The following FHIT variants were observed in gnomAD, a reference collection of about 807,000 sequenced individuals.
The protein encoded by FHIT is bis(5'-adenosyl)-triphosphatase.
In FHIT, 19 loss-of-function variants were observed where a neutral mutation model predicts 17.9. The ratio of observed to expected loss-of-function variants is 1.06; its 90% confidence interval spans 0.74 to 1.56. The LOEUF is 1.56. FHIT is among the 40% of genes most tolerant of loss of function. The pLI, the probability that FHIT is intolerant of heterozygous loss-of-function variation, is 0.00. For missense variants in FHIT, 248 were observed against 189.2 expected (o/e 1.31, Z -1.82); for synonymous variants, 81 against 69.7 (o/e 1.16, Z -0.81).
At chr3:59,971,203 G>C (rs575675334) in intron 7 of FHIT, among the ~76,000 whole-genome samples, 25 of 152,236 alleles carry the variant, frequency 1.6e-4, no homozygotes, top group African/African-American at 6.0e-4. Flanking sequence ...GACACTCTGA[G>C]TCCTATTTGA....
chr3:60,535,492 T>C (rs1388996467), intron 5 of FHIT, among the ~76,000 whole-genome samples: 1 of 152,180 alleles, frequency 6.6e-6, no homozygotes, highest in East Asian at 1.9e-4. Context: ...AATAAAATGT[T>C]ACTTCAAGAA....
At chr3:61,124,585 G>A (rs1446998849) in intron 2 of FHIT, among the ~76,000 whole-genome samples, 1 of 152,114 alleles carries the variant, frequency 6.6e-6, no homozygotes, top group Non-Finnish European at 1.5e-5. Context: ...TTAAAAATAA[G>A]TACAAGCTAG....
intron 3 of FHIT, among the ~76,000 whole-genome samples, chr3:60,847,769 G>A (rs1702981830): frequency 6.6e-6 from 1 of 152,046 alleles, no homozygotes. Context: ...ACCACAGGAA[G>A]AAGGAAAGTC....
chr3:60,943,313 GA>G (rs376791168), intron 3 of FHIT, among the ~76,000 whole-genome samples: 12 of 152,006 alleles, frequency 7.9e-5, no homozygotes, highest in African/African-American at 2.7e-4. Flanking sequence ...GTAGGCTCAG[GA>G]TTAACTCTTC....
chr3:60,668,279 G>T (rs1416958278), intron 4 of FHIT, among the ~76,000 whole-genome samples: 1 of 149,406 alleles, frequency 6.7e-6, no homozygotes, highest in African/African-American at 2.5e-5. Flanking sequence ...CCTTCCTCTG[G>T]CCAATTATTT....
At chr3:60,478,006 T>G (rs2033431000) in intron 5 of FHIT, among the ~76,000 whole-genome samples, 1 of 152,054 alleles carries the variant, frequency 6.6e-6, no homozygotes, top group Non-Finnish European at 1.5e-5. Context: ...AATAGGAAAT[T>G]GGTCTTCACA....
chr3:61,082,853 CT>C (rs1184026744), intron 2 of FHIT, among the ~76,000 whole-genome samples: 2 of 152,212 alleles, frequency 1.3e-5, no homozygotes, highest in African/African-American at 4.8e-5. Flanking sequence ...ATTCATTGCC[CT>C]TTTTTCCAAT....
At chr3:61,121,877 T>C (rs1463648281) in intron 2 of FHIT, among the ~76,000 whole-genome samples, 1 of 151,806 alleles carries the variant, frequency 6.6e-6, no homozygotes, top group Non-Finnish European at 1.5e-5. Context: ...AATAAACGTA[T>C]GGAGGAATAT....
chr3:60,535,315 A>C (rs1396885155), intron 5 of FHIT, among the ~76,000 whole-genome samples: 1 of 152,184 alleles, frequency 6.6e-6, no homozygotes, highest in African/African-American at 2.4e-5. Flanking sequence ...GATCTTGTCT[A>C]AATTCATATT....
At chr3:60,717,646 T>A (rs1175108401) in intron 4 of FHIT, among the ~76,000 whole-genome samples, 1 of 152,196 alleles carries the variant, frequency 6.6e-6, no homozygotes, top group Non-Finnish European at 1.5e-5. Context: ...CATATGTGAA[T>A]CTTGGTTATA....
intron 4 of FHIT, among the ~76,000 whole-genome samples, chr3:60,667,233 A>G (rs1421011329): frequency 1.3e-5 from 2 of 151,404 alleles, no homozygotes; most frequent in African/African-American, 4.9e-5. Context: ...CTCCAATGAC[A>G]TGAATGTTGG....
At chr3:60,174,419 T>G (rs1701573737) in intron 5 of FHIT, among the ~76,000 whole-genome samples, 1 of 152,172 alleles carries the variant, frequency 6.6e-6, no homozygotes. Context: ...AGATTTTGAT[T>G]GTTTTGTTTT....
At chr3:61,036,421 C>T (rs757244213) in intron 3 of FHIT, among the ~76,000 whole-genome samples, 1 of 151,994 alleles carries the variant, frequency 6.6e-6, no homozygotes, top group East Asian at 1.9e-4. Flanking sequence ...TATCACTAAC[C>T]GAGTGTTCAG....
intron 5 of FHIT, among the ~76,000 whole-genome samples, chr3:60,207,575 A>T (rs894211611): frequency 9.2e-5 from 14 of 152,126 alleles, no homozygotes; most frequent in Admixed American, 3.9e-4. Context: ...ACCACCCCAC[A>T]GTCCCCCCGC....
intron 8 of FHIT, among the ~76,000 whole-genome samples, chr3:59,788,414 C>G (rs1699403841): frequency 6.6e-6 from 1 of 152,164 alleles, no homozygotes; most frequent in Non-Finnish European, 1.5e-5. Flanking sequence ...GGGCTCCAGC[C>G]CCAAGGCCTT....
intron 5 of FHIT, among the ~76,000 whole-genome samples, chr3:60,263,933 G>A (rs1286029101): frequency 6.6e-6 from 1 of 151,004 alleles, no homozygotes; most frequent in Non-Finnish European, 1.5e-5. Flanking sequence ...TTTTTTAAAT[G>A]AAAAGATTTT....
intron 5 of FHIT, among the ~76,000 whole-genome samples, chr3:60,506,648 A>G (rs1229627649): frequency 1.3e-5 from 2 of 152,176 alleles, no homozygotes; most frequent in African/African-American, 4.8e-5. Context: ...TCCCAAAGGA[A>G]GCTTTAAACG....
At chr3:59,816,093 C>T (rs1449198863) in intron 8 of FHIT, among the ~76,000 whole-genome samples, 1 of 152,214 alleles carries the variant, frequency 6.6e-6, no homozygotes, top group African/African-American at 2.4e-5. Context: ...AGGGTTTCTG[C>T]AAGTCCTGGA....
At position 60,446,526 on chromosome 3, in the gene FHIT, G is replaced by T. The variant is rs74867912; in HGVS notation, c.103+90334C>A. On this transcript the variant is annotated intron_variant, in intron 5 of 9. Coordinates refer to ENST00000492590, the MANE Select transcript of FHIT (RefSeq NM_002012.4). ...TACACTAGTACACCTGTCATTCGTG[G>T]ATGTGCAACTCTACTTATTTTAACC... Among the ~76,000 whole-genome samples the T allele has an allele frequency of 4.6e-3, 702 of 152,152 alleles. 3 individuals are homozygous for T. Among genetic ancestry groups the T allele is most frequent in the African/African-American group, 0.016 (672 of 41,526 alleles).
Sources: allele counts gnomAD v4.1 joint callset (sites outside exome capture counted in the v4.1 genomes callset), GRCh38; gene constraint gnomAD v4.1.1; transcripts MANE v1.5; gene names NCBI Gene and HGNC (gene_info 2026-07-23, HGNC 2026-07-21).